The following BMAL2 variants were observed in gnomAD, a reference collection of about 807,000 sequenced individuals.
BMAL2 encodes the protein basic helix-loop-helix ARNT-like protein 2.
At chr12:27,368,998 G>A in the BMAL2 span, among the ~76,000 whole-genome samples, 1 of 152,196 alleles carries the variant, frequency 6.6e-6, no homozygotes, top group African/African-American at 2.4e-5. Flanking sequence ...GGGCAAGCCA[G>A]GTGCAGTGGC....
the BMAL2 span, among the ~76,000 whole-genome samples, chr12:27,405,375 G>A: frequency 7.9e-5 from 12 of 152,192 alleles, no homozygotes; most frequent in East Asian, 1.9e-4. Context: ...CACCTCACAC[G>A]GCCAGGTACT....
the BMAL2 span, among the ~76,000 whole-genome samples, chr12:27,407,245 A>G: frequency 6.6e-6 from 1 of 152,248 alleles, no homozygotes; most frequent in African/African-American, 2.4e-5. Context: ...AAGCAGACCT[A>G]ATAGACATCT....
At chr12:27,345,763 A>G in the BMAL2 span, among the ~76,000 whole-genome samples, 17 of 152,144 alleles carry the variant, frequency 1.1e-4, no homozygotes, top group African/African-American at 4.1e-4. Flanking sequence ...TGGGCTTTCC[A>G]AAAGTGCTGG....
chr12:27,389,389 A>T, the BMAL2 span: 1 of 758,720 alleles, frequency 1.3e-6, no homozygotes, highest in African/African-American at 1.8e-5. Flanking sequence ...CAGCTAACTA[A>T]GCTTTTATCA....
At chr12:27,398,082 C>T in the BMAL2 span, among the ~76,000 whole-genome samples, 2 of 152,148 alleles carry the variant, frequency 1.3e-5, no homozygotes, top group African/African-American at 2.4e-5. Flanking sequence ...CCTTCTCTTC[C>T]GTGTCTCATT....
the BMAL2 span, among the ~76,000 whole-genome samples, chr12:27,409,612 T>G: frequency 6.6e-6 from 1 of 152,224 alleles, no homozygotes; most frequent in Non-Finnish European, 1.5e-5. Context: ...GATTAAAGAC[T>G]TACATGTTAG....
chr12:27,423,616 A>G, the BMAL2 span: 1 of 152,266 alleles, frequency 6.6e-6, no homozygotes, highest in Non-Finnish European at 1.5e-5. Context: ...GGCATGAGCC[A>G]CTGCGCCCGG....
chr12:27,372,818 C>T, the BMAL2 span, among the ~76,000 whole-genome samples: 8 of 152,164 alleles, frequency 5.3e-5, no homozygotes, highest in Non-Finnish European at 8.8e-5. Context: ...GGACTACAGG[C>T]GCCCACCACC....
the BMAL2 span, chr12:27,368,132 A>C: frequency 0.078 from 79,791 of 1,023,696 alleles, 3,390 homozygotes; most frequent in Non-Finnish European, 0.093. Flanking sequence ...CATGAGCCAC[A>C]GCGCCTGGCC....
At chr12:27,409,245 T>C in the BMAL2 span, among the ~76,000 whole-genome samples, 1 of 152,144 alleles carries the variant, frequency 6.6e-6, no homozygotes, top group South Asian at 2.1e-4. Flanking sequence ...AAAAAACTAC[T>C]TTAAAGTTCG....
At chr12:27,411,126 G>GT in the BMAL2 span, among the ~76,000 whole-genome samples, 5 of 151,878 alleles carry the variant, frequency 3.3e-5, no homozygotes, top group African/African-American at 1.2e-4. Context: ...TAGTTATTGT[G>GT]TTTTTTTAAA....
At chr12:27,350,380 C>T in the BMAL2 span, among the ~76,000 whole-genome samples, 66 of 152,318 alleles carry the variant, frequency 4.3e-4, no homozygotes, top group Middle Eastern at 0.01. Context: ...CCCCTAAATA[C>T]TTTTGCCAGG....
At chr12:27,381,949 A>ATCTC in the BMAL2 span, among the ~76,000 whole-genome samples, 1 of 152,186 alleles carries the variant, frequency 6.6e-6, no homozygotes, top group Admixed American at 6.5e-5. Context: ...CACTGCCAGG[A>ATCTC]AAAGGAAAAT....
At chr12:27,399,555 T>TA in the BMAL2 span, among the ~76,000 whole-genome samples, 1 of 152,224 alleles carries the variant, frequency 6.6e-6, no homozygotes, top group East Asian at 1.9e-4. Context: ...CTGTGACACA[T>TA]AAAGTATTCT....
At chr12:27,406,323 A>T in the BMAL2 span, among the ~76,000 whole-genome samples, 1 of 152,346 alleles carries the variant, frequency 6.6e-6, no homozygotes, top group Non-Finnish European at 1.5e-5. Flanking sequence ...GAAGGAAAAA[A>T]TGTTAAGGGC....
chr12:27,340,203 T>C, the BMAL2 span, among the ~76,000 whole-genome samples: 9 of 152,344 alleles, frequency 5.9e-5, no homozygotes, highest in African/African-American at 2.2e-4. Context: ...TGGTATTTCC[T>C]AGGCTGTCTT....
chr12:27,372,675 T>A, the BMAL2 span, among the ~76,000 whole-genome samples: 154 of 152,266 alleles, frequency 1.0e-3, 1 homozygote, highest in Middle Eastern at 3.4e-3. Context: ...ATTATTTTTT[T>A]TTATTTTTTA....
chr12:27,373,749 T>C, the BMAL2 span, among the ~76,000 whole-genome samples: 1 of 152,198 alleles, frequency 6.6e-6, no homozygotes, highest in South Asian at 2.1e-4. Context: ...CTTTGGTTGA[T>C]TTAGAAAGAA....
At chr12:27,366,768 AC>A in the BMAL2 span, among the ~76,000 whole-genome samples, 1 of 152,256 alleles carries the variant, frequency 6.6e-6, no homozygotes, top group African/African-American at 2.4e-5. Flanking sequence ...ATGTATTTGT[AC>A]TGGCAAATAA....
Sources: gnomAD v4.1 joint callset for allele counts (sites outside exome capture counted in the v4.1 genomes callset) on GRCh38, gnomAD v4.1.1 for gene constraint, MANE v1.5 for transcripts, NCBI Gene and HGNC (gene_info 2026-07-23, HGNC 2026-07-21) for gene names.